ARHGAP39: variants seen among roughly 807,000 people sequenced by gnomAD.
ARHGAP39 encodes Rho GTPase activating protein 39.
A neutral mutation model predicts 106.9 loss-of-function variants in ARHGAP39; 44 were observed. The observed-to-expected ratio is 0.41, with a 90% CI of 0.32 to 0.53. The LOEUF (loss-of-function observed/expected upper bound fraction) is 0.53. Among genes scored for constraint, ARHGAP39 ranks in the 20% least tolerant of loss-of-function variants. The probability of loss-of-function intolerance (pLI) is 0.21; values close to 1 mark genes in which losing one functional copy is unlikely to be tolerated. For synonymous variants in ARHGAP39, 768 were observed against 693.2 expected, an observed-to-expected ratio of 1.11 and a Z score of -1.69; for missense variants, 1,496 against 1,577.3, an observed-to-expected ratio of 0.95 and a Z score of 0.87.
intron 1 of ARHGAP39, among the ~76,000 whole-genome samples, chr8:144,620,556 C>CGT (rs138456101): frequency 0.1 from 14,739 of 145,932 alleles, 2,417 homozygotes; most frequent in African/African-American, 0.34. Context: ...TGCCCGTGTG[C>CGT]GTGAGCTTGT....
At chr8:144,562,567 CACACTCCAGT>C (rs1564849562) in intron 3 of ARHGAP39, among the ~76,000 whole-genome samples, 5 of 149,450 alleles carry the variant, frequency 3.3e-5, no homozygotes, top group African/African-American at 1.3e-4. Context: ...TGGTTTCCAT[CACACTCCAGT>C]GGTTTCCATT....
intron 3 of ARHGAP39, among the ~76,000 whole-genome samples, chr8:144,579,801 A>G (rs894078371): frequency 6.6e-6 from 1 of 152,022 alleles, no homozygotes; most frequent in Non-Finnish European, 1.5e-5. Flanking sequence ...TCCCCTGGCA[A>G]CCTCAGCCAA....
the ARHGAP39 span, among the ~76,000 whole-genome samples, chr8:144,700,012 G>C: frequency 6.6e-6 from 1 of 152,204 alleles, no homozygotes; most frequent in Admixed American, 6.5e-5. The surrounding 1 kb of genome is among the most constrained non-coding windows in gnomAD (Gnocchi z 5.6). Flanking sequence ...CAGGATGCCA[G>C]TGGTGCAAAC....
chr8:144,645,703 C>T lies in ARHGAP39; in HGVS notation c.-82+39983G>A, dbSNP rs1010538791. The stretch of plus-strand genomic sequence containing the variant: ...CTTATCCTCTAGAAAAAACCATCCC[C>T]AAACCCAGACGTGCTCTCAGGAAGC... On this transcript the variant is annotated intron_variant, in intron 1 of 11. Transcript: ENST00000377307. This position sits in a 1 kb window ranked among gnomAD's most constrained non-coding sequence, Gnocchi z 4.4. Among the ~76,000 whole-genome samples, 5 of 152,380 alleles carry T rather than the reference C, an allele frequency of 3.3e-5. No individual in the cohort carries two copies. The highest frequency in any genetic ancestry group is 3.4e-3 in the Middle Eastern group (1 of 294).
At chr8:144,567,626 G>A (rs1020579968) in intron 3 of ARHGAP39, among the ~76,000 whole-genome samples, 23 of 152,090 alleles carry the variant, frequency 1.5e-4, no homozygotes, top group African/African-American at 5.3e-4. Flanking sequence ...CAGTGGTCAC[G>A]TTCCTAGTCC....
Position 144,565,693 on chromosome 8 carries a change from A to G in ARHGAP39, c.513-10050T>C, listed in dbSNP as rs560119106. Among the ~76,000 whole-genome samples, 27 of 152,004 alleles carry G rather than the reference A, an allele frequency of 1.8e-4. No homozygotes were observed. The South Asian group carries it at 5.4e-3, about 30-fold the overall frequency. ...ACAGAGCGAGATTCCATCTTAAAAAACAAAAGAAAAGAAAATGGAAATTAT... is the reference window on the plus strand; with the variant it reads ...ACAGAGCGAGATTCCATCTTAAAAAGCAAAAGAAAAGAAAATGGAAATTAT... On this transcript the variant is annotated intron_variant, in intron 3 of 11. Transcript: ENST00000377307.
chr8:144,632,900 C>T (rs1322372088), intron 1 of ARHGAP39, among the ~76,000 whole-genome samples: 1 of 152,244 alleles, frequency 6.6e-6, no homozygotes, highest in Non-Finnish European at 1.5e-5. Flanking sequence ...AATTATGAAT[C>T]CAGCTCAAGA....
intron 1 of ARHGAP39, among the ~76,000 whole-genome samples, chr8:144,682,874 A>G (rs556244882): frequency 6.6e-6 from 1 of 152,198 alleles, no homozygotes; most frequent in Non-Finnish European, 1.5e-5. Context: ...AAAATTAGCC[A>G]GGTGTGGTGA....
At chr8:144,687,811 G>A (rs78632469), upstream of ARHGAP39, among the ~76,000 whole-genome samples, 290 of 43,330 alleles carry the variant, frequency 6.7e-3, 1 homozygote, top group Admixed American at 0.01. Context: ...ACCACACACT[G>A]GCGGTGAGCA....
rs556233615 is a variant in ARHGAP39, at chr8:144,672,574, A to C, written c.-82+13112T>G. 5.1e-4 allele frequency among the ~76,000 whole-genome samples: 78 copies of C among 152,302 alleles called. 1 individual carries two copies. The highest frequency in any genetic ancestry group is 1.9e-3 in the African/African-American group (78 of 41,572). The stretch of plus-strand genomic sequence containing the variant: ...GGCTGCCAGGAGCTGGGGAGACAGC[A>C]GTGCTCCCACGCCTCACATCTGTCT... On this transcript the variant is annotated intron_variant, in intron 1 of 11. Coordinates refer to ENST00000377307, the MANE Select transcript of ARHGAP39 (RefSeq NM_025251.3).
intron 1 of ARHGAP39, among the ~76,000 whole-genome samples, chr8:144,660,977 T>A (rs1163201949): frequency 3.3e-5 from 5 of 151,530 alleles, no homozygotes; most frequent in Non-Finnish European, 1.5e-5. Context: ...AGAATGAGAC[T>A]CCATCTCAAA....
intron 1 of ARHGAP39, among the ~76,000 whole-genome samples, chr8:144,639,417 C>A (rs2130986602): frequency 6.6e-6 from 1 of 151,466 alleles, no homozygotes; most frequent in Middle Eastern, 3.4e-3. Flanking sequence ...AAAACTATTT[C>A]AAAATATAAA....
rs748340606 is a variant in ARHGAP39, at chr8:144,530,875, G to A, written c.2981-4C>T. The A allele has an allele frequency of 6.2e-7, 1 of 1,607,302 alleles. No homozygotes were observed. Among genetic ancestry groups the A allele is most frequent in the Non-Finnish European group, 8.5e-7 (1 of 1,178,600 alleles). On this transcript the variant is annotated splice_region_variant and splice_polypyrimidine_tract_variant and intron_variant, in intron 10 of 11. Transcript: ENST00000377307. ...TACCACAGCTTCAGCAGGGACGCTG[G>A]GGACACAGCACGGGGCTCAGCGGCC...
chr8:144,605,118 T>C (rs563309732), intron 2 of ARHGAP39, among the ~76,000 whole-genome samples: 1 of 151,908 alleles, frequency 6.6e-6, no homozygotes, highest in Non-Finnish European at 1.5e-5. Flanking sequence ...AAAAATCAGC[T>C]AGACGTGGTG....
intron 7 of ARHGAP39, among the ~76,000 whole-genome samples, 192 bp downstream of exon 7, chr8:144,537,529 A>G (rs994060320): frequency 6.6e-6 from 1 of 152,144 alleles, no homozygotes; most frequent in African/African-American, 2.4e-5. Context: ...ACACGTGTGG[A>G]CAGGCTTGAC....
Position 144,530,755 on chromosome 8 carries a change from C to T in ARHGAP39, c.3097G>A (p.Ala1033Thr), listed in dbSNP as rs762223990. The T allele has an allele frequency of 3.1e-6, 5 of 1,610,480 alleles. No homozygotes were observed. The Admixed American group carries it at 6.7e-5, about 22-fold the overall frequency. ...ACCATGCGGTTGATGCGGGGCAGCGCGTGCACCACGGCCACCGCCGCCTCG... is the reference window on the plus strand; with the variant it reads ...ACCATGCGGTTGATGCGGGGCAGCGTGTGCACCACGGCCACCGCCGCCTCG... ...SPEAAVAVVH[A>T]LPRINRMVLC... Residue 1033 changes from alanine to threonine, a missense_variant, in exon 11 of 12, where the codon GCG (alanine) becomes ACG (threonine). Coordinates refer to ENST00000377307, the MANE Select transcript of ARHGAP39 (RefSeq NM_025251.3).
At chr8:144,581,483 G>T (rs950549661) in intron 2 of ARHGAP39, among the ~76,000 whole-genome samples, 3 of 152,264 alleles carry the variant, frequency 2.0e-5, no homozygotes, top group African/African-American at 7.2e-5. Context: ...AGCGCCTCAG[G>T]GTGGTGCAGC....
At chr8:144,606,389 C>T (rs781528478) in intron 1 of ARHGAP39, among the ~76,000 whole-genome samples, 3 of 152,224 alleles carry the variant, frequency 2.0e-5, no homozygotes, top group African/African-American at 4.8e-5. Context: ...AATGTGAACA[C>T]GACGAGGATG....
At chr8:144,534,994 TGA>T (rs1017725480) in intron 7 of ARHGAP39, among the ~76,000 whole-genome samples, 2 of 152,074 alleles carry the variant, frequency 1.3e-5, no homozygotes, top group Non-Finnish European at 2.9e-5. Flanking sequence ...AAGCAGCAGA[TGA>T]GAGAACACGC....
Sources: gnomAD v4.1 joint callset for allele counts (sites outside exome capture counted in the v4.1 genomes callset) on GRCh38, gnomAD v4.1.1 for gene constraint, Gnocchi (gnomAD v3.1) non-coding constraint, MANE v1.5 for transcripts, NCBI Gene and HGNC (gene_info 2026-07-23, HGNC 2026-07-21) for gene names.